The following C9orf153 variants were observed in gnomAD, a reference collection of about 807,000 sequenced individuals.
C9orf153 encodes uncharacterized protein C9orf153.
In C9orf153, 10 loss-of-function variants were observed where a neutral mutation model predicts 9.0. The observed-to-expected ratio is 1.11, with a 90% CI of 0.69 to 1.89. C9orf153 has a LOEUF of 1.89. Ranked by LOEUF, C9orf153 falls within the 40% of genes most tolerant of loss-of-function variation. The pLI is 0.00. For synonymous variants in C9orf153, 35 were observed against 37.3 expected (o/e 0.94, Z 0.23); for missense variants, 108 against 111.0 (o/e 0.97, Z 0.12).
At chr9:86,258,767 C>G (rs1458820689) in intron 1 of C9orf153, 5 of 152,012 alleles carry the variant, frequency 3.3e-5, no homozygotes, top group Non-Finnish European at 7.4e-5. Context: ...AATTTTAGAG[C>G]AATTTTAGAA....
intron 1 of C9orf153, among the ~76,000 whole-genome samples, chr9:86,242,697 T>G (rs1467133007): frequency 6.6e-6 from 1 of 152,162 alleles, no homozygotes; most frequent in Non-Finnish European, 1.5e-5. Context: ...CCACTTTTTT[T>G]AGATGGAGTC....
intron 3 of C9orf153, chr9:86,227,554 TA>T: frequency 1.0e-6 from 1 of 985,394 alleles, no homozygotes; most frequent in African/African-American, 1.7e-5. Flanking sequence ...CTGGGTCAAC[TA>T]AGAAGGATCT....
intron 3 of C9orf153, chr9:86,227,569 A>G (rs1385969482): frequency 7.1e-6 from 7 of 985,240 alleles, no homozygotes; most frequent in African/African-American, 1.7e-5. Flanking sequence ...AGGATCTACA[A>G]AGTTTATCTT....
chr9:86,229,886 T>TA (rs1824431068), intron 1 of C9orf153, among the ~76,000 whole-genome samples: 1 of 152,132 alleles, frequency 6.6e-6, no homozygotes, highest in South Asian at 2.1e-4. Context: ...TCAGGAAACT[T>TA]ACAATTATTG....
intron 1 of C9orf153, among the ~76,000 whole-genome samples, chr9:86,230,462 T>C (rs1209089568): frequency 6.6e-6 from 1 of 152,158 alleles, no homozygotes; most frequent in East Asian, 1.9e-4. Flanking sequence ...CCACCACACC[T>C]GGCTGATTTT....
chr9:86,235,735 C>G (rs1306377187), intron 1 of C9orf153, among the ~76,000 whole-genome samples: 2 of 71,160 alleles, frequency 2.8e-5, no homozygotes, highest in African/African-American at 1.1e-4. Context: ...GAGCAAGACT[C>G]CATCTCAAAA....
chr9:86,228,355 C>T (rs926038572), intron 2 of C9orf153, among the ~76,000 whole-genome samples: 1 of 152,158 alleles, frequency 6.6e-6, no homozygotes, highest in Non-Finnish European at 1.5e-5. Context: ...CTATGAGTGA[C>T]CACGGAGAGA....
In C9orf153 at chr9:86,242,514, T is replaced by G. The variant is rs528410876; in HGVS notation, c.-26-12885A>C. 2.0e-5 allele frequency among the ~76,000 whole-genome samples: 3 copies of G among 152,322 alleles called. No homozygotes were observed. In the East Asian group the frequency reaches 5.8e-4, roughly 29 times the overall value. The stretch of plus-strand genomic sequence containing the variant: ...AGCTTATAATTTATCAATTAGAAAC[T>G]TATTAATTAAAAATGCTGAATATGT... On this transcript the variant is annotated intron_variant, in intron 1 of 3. Transcript: ENST00000339137.
At chr9:86,236,991 A>C (rs1824611316) in intron 1 of C9orf153, among the ~76,000 whole-genome samples, 1 of 151,846 alleles carries the variant, frequency 6.6e-6, no homozygotes, top group African/African-American at 2.4e-5. Flanking sequence ...TCAAACAATT[A>C]TAGCTTATTA....
intron 1 of C9orf153, among the ~76,000 whole-genome samples, chr9:86,239,402 T>C (rs1341310803): frequency 4.0e-5 from 6 of 151,816 alleles, no homozygotes; most frequent in South Asian, 2.1e-4. Flanking sequence ...CTTTTGCAAT[T>C]AAAAAAGACA....
chr9:86,232,169 A>G (rs73650940), intron 1 of C9orf153, among the ~76,000 whole-genome samples: 1 of 152,368 alleles, frequency 6.6e-6, no homozygotes, highest in African/African-American at 2.4e-5. Context: ...GATGATGACA[A>G]GGAATGGAGC....
intron 3 of C9orf153, among the ~76,000 whole-genome samples, chr9:86,226,751 TTTTGTTTGTTTG>T (rs548367748): frequency 6.8e-6 from 1 of 146,350 alleles, no homozygotes; most frequent in Non-Finnish European, 1.5e-5. Context: ...TTTCATGGTT[TTTTGTTTGTTTG>T]TTTGTTTGTT....
chr9:86,233,954 A>G (rs1256216345), intron 1 of C9orf153, among the ~76,000 whole-genome samples: 1 of 151,966 alleles, frequency 6.6e-6, no homozygotes, highest in African/African-American at 2.4e-5. Context: ...ATGGTGGTGC[A>G]TCCCTGTAGT....
In C9orf153 at chr9:86,220,690, A is replaced by G. The variant is rs1462684822; in HGVS notation, c.*998T>C. 1.3e-5 allele frequency: 2 copies of G among 152,116 alleles called. No homozygotes were observed. Among genetic ancestry groups the G allele is most frequent in the Non-Finnish European group, 2.9e-5 (2 of 68,020 alleles). 9.4% of individuals were successfully genotyped at this position (152,116 alleles called of 1,614,324 possible). A position where few individuals can be genotyped will look rare whatever the true frequency, so the allele number is the denominator to read the frequency against. On this transcript the variant is annotated 3_prime_UTR_variant, in exon 4 of 4. Transcript: ENST00000339137. ...ATTTCTGGGTATAGATTTATTTTCA[A>G]TATCTTGCTAATCAGTCTGAGATTT...
At chr9:86,229,440 C>T (rs1452691186) in intron 2 of C9orf153, 98 bp downstream of exon 2, 3 of 816,378 alleles carry the variant, frequency 3.7e-6, no homozygotes, top group Non-Finnish European at 6.0e-6. Context: ...TCCCATGGCT[C>T]CCAAGTGTGT....
In C9orf153 at chr9:86,229,526, T is replaced by C. The variant is rs770150263; in HGVS notation, c.66+12A>G. The stretch of plus-strand genomic sequence containing the variant: ...CCTGTGTACACCTCGTTGTACAATG[T>C]TAAGTACATACTGAACATTGAGGAA... On this transcript the variant is annotated intron_variant, in intron 2 of 3. Transcript: ENST00000339137. 19 of 1,585,224 alleles carry C rather than the reference T, an allele frequency of 1.2e-5. No individual in the cohort carries two copies. The highest frequency in any genetic ancestry group is 1.6e-5 in the Non-Finnish European group (19 of 1,153,968).
intron 3 of C9orf153, chr9:86,227,413 TA>T: frequency 6.8e-7 from 1 of 1,477,244 alleles, no homozygotes; most frequent in Non-Finnish European, 9.0e-7. Context: ...AAAGCAAACA[TA>T]TTAATAGCAG....
chr9:86,246,652 G>T (rs1489558220), intron 1 of C9orf153, among the ~76,000 whole-genome samples: 1 of 152,066 alleles, frequency 6.6e-6, no homozygotes, highest in Non-Finnish European at 1.5e-5. Context: ...CATGAAAACA[G>T]GGTATAAAAT....
intron 1 of C9orf153, among the ~76,000 whole-genome samples, chr9:86,252,772 G>T (rs1825024990): frequency 6.6e-6 from 1 of 152,148 alleles, no homozygotes; most frequent in Non-Finnish European, 1.5e-5. Context: ...TTGAGCACAG[G>T]TTCCTGATAA....
Sources: allele counts gnomAD v4.1 joint callset (sites outside exome capture counted in the v4.1 genomes callset), GRCh38; gene constraint gnomAD v4.1.1; transcripts MANE v1.5; gene names NCBI Gene and HGNC (gene_info 2026-07-23, HGNC 2026-07-21).